Variants in G3BP2 observed in about 807,000 individuals in gnomAD.
The protein encoded by G3BP2 is ras GTPase-activating protein-binding protein 2.
Under a neutral mutation model 56.7 loss-of-function variants are expected in G3BP2, and 11 were observed. That is an observed-to-expected ratio of 0.19 (90% CI 0.12 to 0.32). The LOEUF (loss-of-function observed/expected upper bound fraction) is 0.32. G3BP2 is among the 10% of genes least tolerant of loss of function. The probability of loss-of-function intolerance (pLI) is 1.00; values close to 1 mark genes in which losing one functional copy is unlikely to be tolerated. For missense variants in G3BP2, 340 were observed against 610.9 expected, an observed-to-expected ratio of 0.56 and a Z score of 4.67; for synonymous variants, 165 against 191.6, an observed-to-expected ratio of 0.86 and a Z score of 1.15.
chr4:75,645,719 A>T lies in G3BP2; in HGVS notation c.1177-17T>A. On this transcript the variant is annotated splice_polypyrimidine_tract_variant and intron_variant, in intron 11 of 11. Coordinates refer to ENST00000359707, the MANE Select transcript of G3BP2 (RefSeq NM_203505.3). Reference sequence around the variant, plus strand: ...CATAATCGGCTTTATAAAAGAGAAGAAAAATATTTACATGGGCAGGTTAGA... The same window carrying T: ...CATAATCGGCTTTATAAAAGAGAAGTAAAATATTTACATGGGCAGGTTAGA... 6.2e-7 allele frequency: 1 copy of T among 1,609,108 alleles called. No individual in the cohort carries two copies. Among genetic ancestry groups the T allele is most frequent in the Non-Finnish European group, 8.5e-7 (1 of 1,176,592 alleles).
intron 1 of G3BP2, among the ~76,000 whole-genome samples, chr4:75,722,616 T>A (rs564262168): frequency 3.0e-4 from 45 of 152,272 alleles, no homozygotes; most frequent in Non-Finnish European, 5.0e-4. Context: ...GTAACAAAAA[T>A]GCTGAGTAAT....
chr4:75,679,059 C>T (rs927204095), intron 3 of G3BP2, among the ~76,000 whole-genome samples: 1 of 152,206 alleles, frequency 6.6e-6, no homozygotes, highest in Non-Finnish European at 1.5e-5. Context: ...ATTTCAATTT[C>T]ACAGCAATTC....
At chr4:75,723,574 C>CAG (rs1720268773) in intron 1 of G3BP2, among the ~76,000 whole-genome samples, 2 of 152,188 alleles carry the variant, frequency 1.3e-5, no homozygotes, top group African/African-American at 4.8e-5. Context: ...AAGCCAGAGT[C>CAG]TAAGATTCTT....
chr4:75,688,457 G>C (rs1718715105), intron 3 of G3BP2, among the ~76,000 whole-genome samples: 1 of 152,174 alleles, frequency 6.6e-6, no homozygotes, highest in South Asian at 2.1e-4. Flanking sequence ...CAGAGCCTCT[G>C]TTTTCAATGC....
At chr4:75,664,436 C>T (rs762320922) in intron 1 of G3BP2, among the ~76,000 whole-genome samples, 10 of 150,282 alleles carry the variant, frequency 6.7e-5, no homozygotes, top group Non-Finnish European at 1.2e-4. Context: ...ATTTGCCAGG[C>T]GTGGTGGCTG....
At chr4:75,713,911 A>C (rs912933250) in intron 3 of G3BP2, among the ~76,000 whole-genome samples, 77 of 152,370 alleles carry the variant, frequency 5.1e-4, no homozygotes, top group African/African-American at 1.8e-3. Context: ...ATTGTGAGGC[A>C]AGCTCAGACA....
intron 3 of G3BP2, among the ~76,000 whole-genome samples, chr4:75,711,867 T>A (rs1719772466): frequency 6.6e-6 from 1 of 152,102 alleles, no homozygotes; most frequent in South Asian, 2.1e-4. Context: ...AACTAGTAGT[T>A]TTGTTGGGGT....
chr4:75,709,412 T>A (rs1719669442), intron 3 of G3BP2, among the ~76,000 whole-genome samples: 1 of 82,020 alleles, frequency 1.2e-5, no homozygotes, highest in Non-Finnish European at 2.1e-5. Context: ...AGGGTGAGAC[T>A]CCGTCTCAAA....
chr4:75,724,429 G>C, exon 1 of G3BP2: 1 of 255,016 alleles, frequency 3.9e-6, no homozygotes, highest in Non-Finnish European at 7.8e-6. Context: ...TGCAGGGCCG[G>C]GCTTCCACCA....
chr4:75,690,696 C>T (rs1205112057), intron 3 of G3BP2, among the ~76,000 whole-genome samples: 1 of 152,028 alleles, frequency 6.6e-6, no homozygotes, highest in Non-Finnish European at 1.5e-5. Flanking sequence ...CTCAGCCTCT[C>T]GAGTACCTGG....
At chr4:75,648,953 T>A in intron 8 of G3BP2, 1 of 395,672 alleles carries the variant, frequency 2.5e-6, no homozygotes. Flanking sequence ...TCCCACTTAA[T>A]GCTGTGTAAC....
intron 3 of G3BP2, among the ~76,000 whole-genome samples, chr4:75,678,771 G>C (rs1424114618): frequency 1.3e-5 from 2 of 152,196 alleles, no homozygotes; most frequent in Non-Finnish European, 1.5e-5. Context: ...ATGTGCCTCA[G>C]TGTTTCTCAT....
chr4:75,695,983 AAAAAAAAAAAAAAAAAAAG>A (rs1391204527), intron 3 of G3BP2, among the ~76,000 whole-genome samples: 1 of 33,734 alleles, frequency 3.0e-5, no homozygotes, highest in Non-Finnish European at 7.2e-5. Flanking sequence ...TCAAAAAAAA[AAAAAAAAAAAAAAAAAAAG>A]AGTTAACAGA....
chr4:75,671,083 T>C lies in G3BP2; in HGVS notation c.-25+2125A>G, dbSNP rs549166056. ...GTCAAGAAACTAATTCTATTGCTTC[T>C]GAAGGTAGGCCAGGACCTTCCTGAA... On this transcript the variant is annotated intron_variant, in intron 1 of 11. Transcript: ENST00000359707. Among the ~76,000 whole-genome samples the C allele has an allele frequency of 3.3e-5, 5 of 152,340 alleles. No individual in the cohort carries two copies. The East Asian group carries it at 7.7e-4, about 23-fold the overall frequency.
At chr4:75,723,222 G>A (rs1392311375) in intron 1 of G3BP2, among the ~76,000 whole-genome samples, 5 of 152,192 alleles carry the variant, frequency 3.3e-5, no homozygotes, top group Admixed American at 1.3e-4. Flanking sequence ...AAGTAGGCAG[G>A]AGCTAAATCA....
chr4:75,674,718 A>ATATATATATATATATATATATAT (rs1241041465), upstream of G3BP2, among the ~76,000 whole-genome samples: 1 of 71,422 alleles, frequency 1.4e-5, no homozygotes, highest in African/African-American at 5.9e-5. Flanking sequence ...ATATATATAT[A>ATATATATATATATATATATATAT]TTTTTTTTTT....
chr4:75,658,978 G>T, intron 2 of G3BP2, 54 bp from the exon 3 acceptor site: 1 of 1,329,780 alleles, frequency 7.5e-7, no homozygotes, highest in Non-Finnish European at 1.1e-6. Flanking sequence ...AGCCTAAGAA[G>T]CAGAATTCTG....
intron 3 of G3BP2, among the ~76,000 whole-genome samples, chr4:75,706,520 A>G (rs1255892137): frequency 6.6e-6 from 1 of 152,150 alleles, no homozygotes; most frequent in Non-Finnish European, 1.5e-5. Flanking sequence ...TCTACTAAAA[A>G]TACAAAATTA....
chr4:75,702,215 G>T (rs746702504), intron 3 of G3BP2, among the ~76,000 whole-genome samples: 22 of 115,266 alleles, frequency 1.9e-4, no homozygotes, highest in Non-Finnish European at 2.6e-4. Flanking sequence ...TGGCTCTGTT[G>T]CCCAGGCTGG....
Sources: allele counts gnomAD v4.1 joint callset (sites outside exome capture counted in the v4.1 genomes callset), GRCh38; gene constraint gnomAD v4.1.1; transcripts MANE v1.5; gene names NCBI Gene and HGNC (gene_info 2026-07-23, HGNC 2026-07-21).